Variants in RALGPS2 observed in about 807,000 individuals in gnomAD.
RALGPS2 encodes Ral GEF with PH domain and SH3 binding motif 2.
A neutral mutation model predicts 86.8 loss-of-function variants in RALGPS2; 43 were observed. That is an observed-to-expected ratio of 0.50 (90% CI 0.39 to 0.64). RALGPS2 has a LOEUF of 0.64. Among genes scored for constraint, RALGPS2 ranks in the 30% least tolerant of loss-of-function variants. RALGPS2 has a pLI of 0.00. For missense variants in RALGPS2, 536 were observed against 694.6 expected (o/e 0.77, Z 2.57); for synonymous variants, 243 against 231.3 (o/e 1.05, Z -0.46).
At chr1:178,762,663 T>G (rs544122125) in intron 1 of RALGPS2, among the ~76,000 whole-genome samples, 1 of 152,234 alleles carries the variant, frequency 6.6e-6, no homozygotes, top group Non-Finnish European at 1.5e-5. Context: ...TTGAGAAGTA[T>G]CTGTTCATGT....
intron 2 of RALGPS2, among the ~76,000 whole-genome samples, chr1:178,778,824 C>A (rs892473486): frequency 6.6e-6 from 1 of 151,912 alleles, no homozygotes; most frequent in Non-Finnish European, 1.5e-5. Context: ...TATTCTCACT[C>A]ATAGGTGGGA....
chr1:178,905,918 A>G lies in RALGPS2; in HGVS notation c.1631-858A>G, dbSNP rs182764501. ...ACTTTCCCCAAGAGCCCTCAACAGA[A>G]CTGGAAATCTGTAATAATATTGACA... On this transcript the variant is annotated intron_variant, in intron 18 of 19. Transcript: ENST00000367635. 3.3e-4 allele frequency among the ~76,000 whole-genome samples: 50 copies of G among 152,348 alleles called. 1 individual carries two copies. In the East Asian group the frequency reaches 8.1e-3, roughly 25 times the overall value.
chr1:178,744,061 A>G (rs1463367329), intron 1 of RALGPS2, among the ~76,000 whole-genome samples: 1 of 152,204 alleles, frequency 6.6e-6, no homozygotes, highest in Non-Finnish European at 1.5e-5. Flanking sequence ...GTGAGGTAAG[A>G]AGACTACACA....
chr1:178,853,314 A>T (rs1657304938), intron 8 of RALGPS2: 1 of 735,526 alleles, frequency 1.4e-6, no homozygotes, highest in African/African-American at 1.9e-5. Context: ...AAAGAGCCCA[A>T]CATTTTTTTC....
At chr1:178,851,642 T>C (rs1404519267) in intron 8 of RALGPS2, among the ~76,000 whole-genome samples, 1 of 152,168 alleles carries the variant, frequency 6.6e-6, no homozygotes, top group Non-Finnish European at 1.5e-5. Context: ...GAAGGAAAGA[T>C]ACAGAAGAAG....
intron 17 of RALGPS2, among the ~76,000 whole-genome samples, chr1:178,901,621 C>G (rs530011824): frequency 1.3e-5 from 2 of 151,130 alleles, no homozygotes; most frequent in Non-Finnish European, 3.0e-5. Flanking sequence ...TAAGAATTAT[C>G]TGGTTGCAGG....
chr1:178,894,825 A>G (rs73039877), intron 16 of RALGPS2, among the ~76,000 whole-genome samples: 7,940 of 152,052 alleles, frequency 0.052, 719 homozygotes, highest in African/African-American at 0.18. Flanking sequence ...TAAATCCTGT[A>G]CTTTTTTTTA....
At chr1:178,910,763 T>C (rs1024495873) in intron 19 of RALGPS2, among the ~76,000 whole-genome samples, 20 of 152,222 alleles carry the variant, frequency 1.3e-4, no homozygotes, top group African/African-American at 4.8e-4. Flanking sequence ...ATCAGAATGA[T>C]GTTGGCTTCA....
intron 14 of RALGPS2, among the ~76,000 whole-genome samples, chr1:178,891,601 TTA>T (rs1323230729): frequency 2.6e-5 from 4 of 152,018 alleles, no homozygotes; most frequent in African/African-American, 9.7e-5. Context: ...GTGTCTGTTT[TTA>T]TTTTTTTTGT....
chr1:178,904,578 A>G (rs573152401), intron 18 of RALGPS2, among the ~76,000 whole-genome samples: 2 of 152,270 alleles, frequency 1.3e-5, no homozygotes, highest in East Asian at 3.9e-4. Flanking sequence ...CGGCTAGCCA[A>G]TTATCCCAGC....
intron 8 of RALGPS2, chr1:178,853,890 A>G (rs1657353166): frequency 2.4e-6 from 2 of 843,336 alleles, no homozygotes; most frequent in Non-Finnish European, 3.5e-6. Context: ...GTTTACAGTT[A>G]CCATTGTTTA....
rs1660126053 is a variant in RALGPS2, at chr1:178,900,466, T to C, written c.1525-1640T>C. On this transcript the variant is annotated intron_variant, in intron 17 of 19. Transcript: ENST00000367635. ...CTGTCATCCATGGCTGGTAAAAATT[T>C]AAATTGGTATTGTTTTTGTGGTGGC... Among the ~76,000 whole-genome samples, 4 of 152,040 alleles carry C rather than the reference T, an allele frequency of 2.6e-5. No homozygotes were observed. In the South Asian group the frequency reaches 8.3e-4, roughly 31 times the overall value.
chr1:178,915,021 CT>C (rs1660758170), intron 19 of RALGPS2, among the ~76,000 whole-genome samples: 1 of 151,936 alleles, frequency 6.6e-6, no homozygotes, highest in South Asian at 2.1e-4. Flanking sequence ...GGTTCAATTT[CT>C]TTTACTGTAT....
chr1:178,886,213 G>C, intron 13 of RALGPS2, 93 bp downstream of exon 13: 1 of 1,343,086 alleles, frequency 7.4e-7, no homozygotes, highest in East Asian at 2.5e-5. Flanking sequence ...CACACACAGA[G>C]AAAATTTGGT....
chr1:178,737,518 T>C (rs1278195292), intron 1 of RALGPS2, among the ~76,000 whole-genome samples: 1 of 152,186 alleles, frequency 6.6e-6, no homozygotes. Context: ...AGTGCTGGGA[T>C]TACAGGCATG....
intron 1 of RALGPS2, among the ~76,000 whole-genome samples, chr1:178,764,336 T>TA (rs1652393982): frequency 1.3e-5 from 2 of 152,334 alleles, no homozygotes; most frequent in South Asian, 2.1e-4. Flanking sequence ...CTCCATCCTT[T>TA]TACTTGGAGC....
At chr1:178,750,317 T>C (rs1651584840) in intron 1 of RALGPS2, among the ~76,000 whole-genome samples, 1 of 152,244 alleles carries the variant, frequency 6.6e-6, no homozygotes, top group African/African-American at 2.4e-5. Context: ...GATGAGTGGC[T>C]GTGTTCTGTT....
At chr1:178,875,777 A>G (rs1396635715) in intron 8 of RALGPS2, among the ~76,000 whole-genome samples, 1 of 152,102 alleles carries the variant, frequency 6.6e-6, no homozygotes, top group Non-Finnish European at 1.5e-5. Flanking sequence ...AAAAATATGT[A>G]TACTGGCTCT....
At chr1:178,749,775 A>G (rs1011469615) in intron 1 of RALGPS2, among the ~76,000 whole-genome samples, 7 of 152,170 alleles carry the variant, frequency 4.6e-5, no homozygotes, top group South Asian at 2.1e-4. Context: ...CTTACTTTGC[A>G]TATTACTCAC....
Sources: gnomAD v4.1 joint callset for allele counts (sites outside exome capture counted in the v4.1 genomes callset) on GRCh38, gnomAD v4.1.1 for gene constraint, MANE v1.5 for transcripts, NCBI Gene and HGNC (gene_info 2026-07-23, HGNC 2026-07-21) for gene names.